Variants in NOS3 observed in about 807,000 individuals in gnomAD.
The protein encoded by NOS3 is NOS type III.
A neutral mutation model predicts 144.9 loss-of-function variants in NOS3; 98 were observed. The ratio of observed to expected loss-of-function variants is 0.68; its 90% CI spans 0.57 to 0.80. NOS3 has a LOEUF of 0.80. NOS3 is among the 30% of genes least tolerant of loss of function. The pLI is 0.00. For synonymous variants in NOS3, 714 were observed against 702.4 expected, an observed-to-expected ratio of 1.02 and a Z score of -0.26; for missense variants, 1,465 against 1,656.4, an observed-to-expected ratio of 0.88 and a Z score of 2.01.
At chr7:151,012,104 C>G (rs1795316916) in intron 23 of NOS3, 1 of 454,174 alleles carries the variant, frequency 2.2e-6, no homozygotes, top group African/African-American at 1.9e-5. Flanking sequence ...CCCACGTTTT[C>G]TAAATCCCCT....
rs1802308303 is a variant in NOS3, at chr7:150,993,860, G to A, written c.57G>A (p.Leu19=). The A allele has an allele frequency of 6.2e-7, 1 of 1,602,198 alleles. No homozygotes were observed. Among genetic ancestry groups the A allele is most frequent in the Non-Finnish European group, 8.5e-7 (1 of 1,176,902 alleles). The part of the protein sequence containing the change: ...QEPGPPCGLG[L]GLGLGLCGKQ... ...CTGGGCCACCCTGCGGCCTGGGGCT[G>A]GGGCTGGGCCTTGGGCTGTGCGGCA... The change falls in exon 2 of 27, where the codon CTG becomes CTA. Residue 19 remains leucine, a synonymous_variant. Transcript: ENST00000297494. This position sits in a 1 kb window ranked among gnomAD's most constrained non-coding sequence, Gnocchi z 4.0.
At position 151,009,031 on chromosome 7, in the gene NOS3, C is replaced by G. The variant is rs759370350; in HGVS notation, c.2214C>G (p.Ser738Arg). 6.2e-7 allele frequency: 1 copy of G among 1,612,322 alleles called. No homozygotes were observed. Among genetic ancestry groups the G allele is most frequent in the South Asian group, 1.1e-5 (1 of 90,902 alleles). The change falls in exon 18 of 27, where the codon AGC becomes AGG. Residue 738 changes from serine to arginine, a missense_variant. Ser to Arg is a moderately radical substitution (Grantham distance 110, BLOSUM62 -1). Coordinates refer to ENST00000297494, the MANE Select transcript of NOS3 (RefSeq NM_000603.5). ...RSWKRQRYRL[S>R]AQAEGLQLLP... ...GGAAGCGCCAGAGGTACCGGCTGAG[C>G]GCCCAGGCCGAGGGCCTGCAGTTGC...
rs768251982 is a variant in NOS3 at position 150,998,716 on chromosome 7, A to G, written c.816+36A>G. The G allele has an allele frequency of 5.7e-6, 9 of 1,582,782 alleles. No individual in the cohort carries two copies. In the African/African-American group the frequency reaches 9.4e-5, roughly 16 times the overall value. On this transcript the variant is annotated intron_variant, in intron 7 of 26. Coordinates refer to ENST00000297494, the MANE Select transcript of NOS3 (RefSeq NM_000603.5). This position sits in a 1 kb window ranked among gnomAD's most constrained non-coding sequence, Gnocchi z 5.0. ...AGGGCCACCCATGAGGGTGTCCCCA[A>G]GGTGGAGAATGAGGAAACCAGTGGG...
Position 151,010,749 on chromosome 7 carries a change from C to T in NOS3, c.2838C>T (p.Pro946=), listed in dbSNP as rs3918233. ...GGTACTACTCAGTCAGCTCGGCACC[C>T]AGCACCCACCCAGGAGAGATCCACC... ...QPRYYSVSSA[P]STHPGEIHLT... Residue 946 remains proline, a synonymous_variant, in exon 22 of 27, where the codon CCC becomes CCT. Transcript: ENST00000297494. 2.0e-4 allele frequency: 319 copies of T among 1,613,384 alleles called. No homozygotes were observed. The highest frequency in any genetic ancestry group is 2.6e-4 in the Non-Finnish European group (306 of 1,179,800).
chr7:151,001,313 G>C lies in NOS3; in HGVS notation c.1316G>C (p.Gly439Ala), dbSNP rs375829467. Residue 439 changes from glycine (G) to alanine (A), a missense_variant, in exon 11 of 27, where the codon GGG (glycine) becomes GCG (alanine). Transcript: ENST00000297494. ...CTGGAGAATGAGCAGAAGGCCAGGG[G>C]GGGCTGCCCTGCAGACTGGGCCTGG... ...KHLENEQKAR[G>A]GCPADWAWIV... is the part of the protein sequence containing the mutation. 9 of 1,613,774 alleles carry C rather than the reference G, an allele frequency of 5.6e-6. No homozygotes were observed. In the African/African-American group the frequency reaches 1.1e-4, roughly 19 times the overall value.
Position 151,010,241 on chromosome 7 carries a change from T to G in NOS3, c.2639T>G (p.Leu880Trp), listed in dbSNP as rs1321445146. ...SPQLLRLLST[L>W]AEEPREQQEL... ...CAGCTCTTGCGGCTGCTCAGCACCT[T>G]GGCAGAAGAGCCCAGGGAACAGCAG... Residue 880 changes from leucine (L) to tryptophan (W), a missense_variant, in exon 21 of 27, where the codon TTG (leucine) becomes TGG (tryptophan). By Grantham distance (61) the Leu-to-Trp change is moderately conservative. This residue lies in a region of NOS3 where 745 missense variants were observed against 853.9 expected (regional missense o/e 0.87). Transcript: ENST00000297494. 3.1e-6 allele frequency: 5 copies of G among 1,612,884 alleles called. No homozygotes were observed. Among genetic ancestry groups the G allele is most frequent in the Non-Finnish European group, 4.2e-6 (5 of 1,179,960 alleles).
chr7:151,005,636 T>C (rs1436896604), intron 14 of NOS3, among the ~76,000 whole-genome samples: 1 of 152,122 alleles, frequency 6.6e-6, no homozygotes, highest in Non-Finnish European at 1.5e-5. Flanking sequence ...CAACTCCACT[T>C]CTAAGGATTA....
intron 5 of NOS3, among the ~76,000 whole-genome samples, chr7:150,997,245 G>T (rs1802451969): frequency 6.6e-6 from 1 of 151,656 alleles, no homozygotes; most frequent in South Asian, 2.1e-4. Context: ...CTGCTGCAGG[G>T]GTGAGGAAGT....
chr7:151,010,890 C>T lies in NOS3; in HGVS notation c.2897-9C>T, dbSNP rs769568766. 3 of 1,612,796 alleles carry T rather than the reference C, an allele frequency of 1.9e-6. No individual in the cohort carries two copies. The highest frequency in any genetic ancestry group is 1.7e-6 in the Non-Finnish European group (2 of 1,179,262). On this transcript the variant is annotated splice_polypyrimidine_tract_variant and intron_variant, in intron 22 of 26. Transcript: ENST00000297494. ...TGGCCCCTCACCGGCCTCTCCTTCCCACCCCCAGATGGGCTGGGCCCCCTG... is the reference window on the plus strand; with the variant it reads ...TGGCCCCTCACCGGCCTCTCCTTCCTACCCCCAGATGGGCTGGGCCCCCTG...
intron 23 of NOS3, 127 bp downstream of exon 23, chr7:151,011,113 T>C (rs962531909): frequency 3.0e-6 from 2 of 674,630 alleles, no homozygotes; most frequent in Middle Eastern, 7.7e-4. Flanking sequence ...AAGGGTGTGG[T>C]GTCATTAGGT....
At chr7:150,992,855 G>A (rs1800779) in intron 1 of NOS3, among the ~76,000 whole-genome samples, 107,300 of 152,026 alleles carry the variant, frequency 0.71, 38,819 homozygotes, top group East Asian at 0.89. Context: ...CCCTCAGATG[G>A]CACAGAACTA....
Position 150,993,668 on chromosome 7 carries a change from G to A in NOS3, c.-51-85G>A, listed in dbSNP as rs2117094940. On this transcript the variant is annotated intron_variant, in intron 1 of 26. Coordinates refer to ENST00000297494, the MANE Select transcript of NOS3 (RefSeq NM_000603.5). The surrounding 1 kb of genome is among the most constrained non-coding windows in gnomAD (Gnocchi z 4.0). ...GCCGGGCTTGTTCCTGTCCCATTGT[G>A]TATGGGATAGGGGCGGGGCGAGGGC... 1 of 822,640 alleles carries A rather than the reference G, an allele frequency of 1.2e-6. No individual in the cohort carries two copies. The highest frequency in any genetic ancestry group is 1.9e-6 in the Non-Finnish European group (1 of 535,374). The allele number at this position is 822,640 out of a possible 1,614,324, so 51.0% of individuals were successfully genotyped here.
rs2117145252 is a variant in NOS3 at position 151,014,422 on chromosome 7, G to A, written c.*253G>A. On this transcript the variant is annotated 3_prime_UTR_variant, in exon 27 of 27. Coordinates refer to ENST00000297494, the MANE Select transcript of NOS3 (RefSeq NM_000603.5). ...CAGCAGCGGTACCCCAGGGCCTACT[G>A]CCACCCGCTTCCTGTTTCTTAGTCG... The A allele has an allele frequency of 4.2e-6, 2 of 472,310 alleles. No homozygotes were observed. Among genetic ancestry groups the A allele is most frequent in the South Asian group, 8.3e-5 (2 of 24,148 alleles). The allele number at this position is 472,310 out of a possible 1,614,324, so 29.3% of individuals were successfully genotyped here. A position where few individuals can be genotyped will look rare whatever the true frequency, so the allele number is the denominator to read the frequency against.
Position 150,998,486 on chromosome 7 carries a change from C to T in NOS3, c.674+38C>T. 6.2e-7 allele frequency: 1 copy of T among 1,611,370 alleles called. No individual in the cohort carries two copies. The highest frequency in any genetic ancestry group is 8.5e-7 in the Non-Finnish European group (1 of 1,179,324). On this transcript the variant is annotated intron_variant, in intron 6 of 26. Transcript: ENST00000297494. This position sits in a 1 kb window ranked among gnomAD's most constrained non-coding sequence, Gnocchi z 5.0. ...CACCATGCCAGGCCCCAGCCTTCTT[C>T]CCCAAGGCAGGGAAGGCGGGGCTCT... is the stretch of plus-strand genomic sequence containing the variant.
At position 150,998,748 on chromosome 7, in the gene NOS3, C is replaced by T. The variant is rs1465656976; in HGVS notation, c.816+68C>T. On this transcript the variant is annotated intron_variant, in intron 7 of 26. Transcript: ENST00000297494. This position sits in a 1 kb window ranked among gnomAD's most constrained non-coding sequence, Gnocchi z 5.0. ...GAATGAGGAAACCAGTGGGAGAAGG[C>T]TCGGGGGATCCAGGCAGGAAGAGGG... 6.5e-7 allele frequency: 1 copy of T among 1,542,276 alleles called. No individual in the cohort carries two copies. Among genetic ancestry groups the T allele is most frequent in the Non-Finnish European group, 8.8e-7 (1 of 1,138,240 alleles).
intron 14 of NOS3, 103 bp from the exon 15 acceptor site, chr7:151,006,320 TTAAG>T: frequency 1.2e-6 from 1 of 833,992 alleles, no homozygotes; most frequent in Non-Finnish European, 2.0e-6. Flanking sequence ...CAAATAAAAA[TTAAG>T]TTACAAATCA....
In NOS3 at chr7:151,013,715, GC is replaced by G; in HGVS notation, c.3256-5del. The G allele has an allele frequency of 7.1e-7, 1 of 1,404,092 alleles. No homozygotes were observed. The allele number at this position is 1,404,092 out of a possible 1,614,324, so 87.0% of individuals were successfully genotyped here. On this transcript the variant is annotated splice_polypyrimidine_tract_variant and splice_region_variant and intron_variant, in intron 25 of 26. Coordinates refer to ENST00000297494, the MANE Select transcript of NOS3 (RefSeq NM_000603.5). ...CACCAGGGCCCGCCCTAACCCCGCC[GC>G]CCCGCAGACCTACGTGCAGGACATC...
Position 151,010,741 on chromosome 7 carries a change from T to C in NOS3, c.2830T>C (p.Ser944Pro), listed in dbSNP as rs367558109. The C allele has an allele frequency of 1.2e-6, 2 of 1,613,342 alleles. No homozygotes were observed. The highest frequency in any genetic ancestry group is 1.7e-6 in the Non-Finnish European group (2 of 1,179,776). ...CCAGCCCCGGTACTACTCAGTCAGC[T>C]CGGCACCCAGCACCCACCCAGGAGA... ...LLQPRYYSVS[S>P]APSTHPGEIH... Residue 944 changes from serine (S) to proline (P), a missense_variant, in exon 22 of 27, where the codon TCG (serine) becomes CCG (proline). Around this residue, in one of 5 missense-constraint regions of NOS3, gnomAD observed 106 missense variants for 167.7 expected, o/e 0.63. Transcript: ENST00000297494.
At position 150,995,306 on chromosome 7, in the gene NOS3, G is replaced by A. The variant is rs998722709; in HGVS notation, c.262G>A (p.Ala88Thr). The change falls in exon 3 of 27, where the codon GCG becomes ACG. Residue 88 changes from alanine (A) to threonine (T), a missense_variant. By Grantham distance (58) the Ala-to-Thr change is moderately conservative. Coordinates refer to ENST00000297494, the MANE Select transcript of NOS3 (RefSeq NM_000603.5). ...SITYDTLSAQAQQDGPCTPRR... is the reference protein window; with the variant it reads ...SITYDTLSAQTQQDGPCTPRR... ...CACCTATGACACCCTCAGCGCCCAG[G>A]CGCAGCAGGTAAGGCCGGCATGCCC... The A allele has an allele frequency of 6.2e-7, 1 of 1,609,936 alleles. No individual in the cohort carries two copies. Among genetic ancestry groups the A allele is most frequent in the East Asian group, 2.2e-5 (1 of 44,834 alleles).
Sources: gnomAD v4.1 joint callset for allele counts (sites outside exome capture counted in the v4.1 genomes callset) on GRCh38, gnomAD v4.1.1 for gene constraint, gnomAD v4.1.1 regional missense constraint, Gnocchi (gnomAD v3.1) non-coding constraint, MANE v1.5 for transcripts, NCBI Gene and HGNC (gene_info 2026-07-23, HGNC 2026-07-21) for gene names.